Variants in MGAT4C observed in about 807,000 individuals in gnomAD.
The protein encoded by MGAT4C is MGAT4 family member C.
MGAT4C carries 19 observed loss-of-function variants against 40.1 expected under a neutral mutation model. The ratio of observed to expected loss-of-function variants is 0.47; its 90% confidence interval spans 0.33 to 0.70. The LOEUF is 0.70. Among genes scored for constraint, MGAT4C ranks in the 30% least tolerant of loss-of-function variants. The pLI, the probability that MGAT4C is intolerant of heterozygous loss-of-function variation, is 0.02. For synonymous variants in MGAT4C, 181 were observed against 187.1 expected, an observed-to-expected ratio of 0.97 and a Z score of 0.27; for missense variants, 491 against 563.2, an observed-to-expected ratio of 0.87 and a Z score of 1.30.
At chr12:86,009,211 T>G (rs1319407080) in intron 2 of MGAT4C, among the ~76,000 whole-genome samples, 1 of 152,312 alleles carries the variant, frequency 6.6e-6, no homozygotes, top group South Asian at 2.1e-4. Flanking sequence ...ACTCTTAGAA[T>G]AATTCTCTTT....
At chr12:86,594,743 T>G (rs1331141183) in intron 2 of MGAT4C, among the ~76,000 whole-genome samples, 1 of 152,194 alleles carries the variant, frequency 6.6e-6, no homozygotes, top group Non-Finnish European at 1.5e-5. Flanking sequence ...CAGCTAACTA[T>G]GTGACCTGAC....
intron 2 of MGAT4C, among the ~76,000 whole-genome samples, chr12:86,618,129 T>G (rs1038922317): frequency 6.6e-6 from 1 of 152,176 alleles, no homozygotes; most frequent in Non-Finnish European, 1.5e-5. Context: ...CACAATGAGA[T>G]ATCATCTTAT....
intron 1 of MGAT4C, among the ~76,000 whole-genome samples, chr12:86,792,071 T>A (rs895580150): frequency 1.3e-5 from 2 of 152,132 alleles, no homozygotes; most frequent in Non-Finnish European, 1.5e-5. Flanking sequence ...AAAAATAGCA[T>A]AATGCTTTCA....
At chr12:86,074,626 A>C (rs553485798) in intron 1 of MGAT4C, among the ~76,000 whole-genome samples, 157 of 152,198 alleles carry the variant, frequency 1.0e-3, no homozygotes, top group Non-Finnish European at 1.8e-3. Flanking sequence ...GCTTGTTTTC[A>C]TGCTGTTGAT....
At chr12:86,252,983 T>C (rs1952363250) in intron 1 of MGAT4C, among the ~76,000 whole-genome samples, 1 of 151,958 alleles carries the variant, frequency 6.6e-6, no homozygotes, top group Non-Finnish European at 1.5e-5. Context: ...AAATAATTGA[T>C]AGACTTTTCA....
At chr12:86,295,853 C>T (rs1193080088) in intron 4 of MGAT4C, among the ~76,000 whole-genome samples, 1 of 151,960 alleles carries the variant, frequency 6.6e-6, no homozygotes, top group African/African-American at 2.4e-5. Flanking sequence ...GAGCTAAACA[C>T]AGGGTGCTGA....
At chr12:86,171,848 C>T (rs992488609) in intron 1 of MGAT4C, among the ~76,000 whole-genome samples, 14 of 152,142 alleles carry the variant, frequency 9.2e-5, no homozygotes, top group Non-Finnish European at 1.9e-4. Context: ...TAGTCTCACC[C>T]TTAGAATTTA....
intron 1 of MGAT4C, among the ~76,000 whole-genome samples, chr12:86,077,602 A>T (rs1037198041): frequency 3.9e-5 from 6 of 152,188 alleles, no homozygotes; most frequent in Admixed American, 2.0e-4. Flanking sequence ...TCTACTACCC[A>T]TTCTGAATAC....
chr12:86,624,408 T>G (rs1366569092), intron 2 of MGAT4C, among the ~76,000 whole-genome samples: 2 of 152,138 alleles, frequency 1.3e-5, no homozygotes, highest in Non-Finnish European at 2.9e-5. Context: ...GCCCAAGTAT[T>G]GAAAACTTGC....
At chr12:86,760,084 C>G (rs879848800) in intron 1 of MGAT4C, among the ~76,000 whole-genome samples, 1 of 152,058 alleles carries the variant, frequency 6.6e-6, no homozygotes, top group Non-Finnish European at 1.5e-5. Flanking sequence ...GATACATAGA[C>G]TAGGAGTAAT....
At chr12:86,676,433 T>A (rs1231487001) in intron 2 of MGAT4C, among the ~76,000 whole-genome samples, 1 of 152,126 alleles carries the variant, frequency 6.6e-6, no homozygotes, top group Non-Finnish European at 1.5e-5. Context: ...AATTAAATAA[T>A]CTGAATTAGC....
At chr12:86,045,364 A>T (rs1327208355) in intron 2 of MGAT4C, among the ~76,000 whole-genome samples, 1 of 152,198 alleles carries the variant, frequency 6.6e-6, no homozygotes, top group Non-Finnish European at 1.5e-5. Flanking sequence ...CTCCACAAGT[A>T]CTTCACATTT....
chr12:86,254,373 A>T (rs1399531767), intron 1 of MGAT4C, among the ~76,000 whole-genome samples: 3 of 152,094 alleles, frequency 2.0e-5, no homozygotes, highest in African/African-American at 7.2e-5. Flanking sequence ...ATTTGTGACT[A>T]GCAAGGCTAA....
chr12:86,260,001 T>G (rs1427878120), upstream of MGAT4C, among the ~76,000 whole-genome samples: 1 of 94,572 alleles, frequency 1.1e-5, no homozygotes, highest in African/African-American at 4.1e-5. Context: ...CCAATTTTAA[T>G]GTAGGCATTT....
chr12:86,059,793 G>A (rs1265253271), intron 1 of MGAT4C, among the ~76,000 whole-genome samples: 2 of 152,218 alleles, frequency 1.3e-5, no homozygotes, highest in Admixed American at 6.5e-5. Flanking sequence ...CCCTTTCTCT[G>A]TATCAAGAAC....
intron 3 of MGAT4C, among the ~76,000 whole-genome samples, chr12:86,358,688 T>C (rs574643303): frequency 5.8e-4 from 89 of 152,288 alleles, no homozygotes; most frequent in African/African-American, 2.1e-3. Flanking sequence ...TAGTCTCTGA[T>C]GAAACAGACT....
chr12:86,815,099 T>C (rs1202861315), intron 1 of MGAT4C, among the ~76,000 whole-genome samples: 1 of 151,858 alleles, frequency 6.6e-6, no homozygotes, highest in Non-Finnish European at 1.5e-5. Context: ...TGTTAGCAAA[T>C]AGTTACAGTT....
chr12:86,032,075 G>A (rs1028722002), intron 2 of MGAT4C, among the ~76,000 whole-genome samples: 15 of 151,866 alleles, frequency 9.9e-5, no homozygotes, highest in African/African-American at 3.6e-4. Flanking sequence ...CTCCATCTGT[G>A]TTGCTGCAAA....
In MGAT4C at chr12:86,122,850, G is replaced by T. The variant is rs1351435182; in HGVS notation, c.-56-73127C>A. Among the ~76,000 whole-genome samples, 6 of 152,078 alleles carry T rather than the reference G, an allele frequency of 3.9e-5. No homozygotes were observed. In the East Asian group the frequency reaches 1.2e-3, roughly 29 times the overall value. Reference sequence around the variant, plus strand: ...TAGTATTCTTAATACATCATCAAAGGTGATACAAATTGTGTCAACACAGAT... The same window carrying T: ...TAGTATTCTTAATACATCATCAAAGTTGATACAAATTGTGTCAACACAGAT... On this transcript the variant is annotated intron_variant, in intron 1 of 4. Coordinates refer to ENST00000611864, the MANE Select transcript of MGAT4C (RefSeq NM_001351288.2).
Sources: gnomAD v4.1 joint callset for allele counts (sites outside exome capture counted in the v4.1 genomes callset) on GRCh38, gnomAD v4.1.1 for gene constraint, MANE v1.5 for transcripts, NCBI Gene and HGNC (gene_info 2026-07-23, HGNC 2026-07-21) for gene names.